NFIB: variants seen among roughly 807,000 people sequenced by gnomAD.
NFIB encodes nuclear factor 1 B-type.
NFIB carries 11 observed loss-of-function variants against 61.5 expected under a neutral mutation model. The ratio of observed to expected loss-of-function variants is 0.18; its 90% CI spans 0.11 to 0.30. The LOEUF is 0.30. NFIB is among the 10% of genes least tolerant of loss of function. NFIB has a pLI of 1.00. For synonymous variants in NFIB, 260 were observed against 216.5 expected (o/e 1.20, Z -1.76); for missense variants, 471 against 608.9 (o/e 0.77, Z 2.38).
intron 1 of NFIB, among the ~76,000 whole-genome samples, chr9:14,350,338 GA>G (rs552376496): frequency 6.6e-6 from 1 of 152,138 alleles, no homozygotes; most frequent in Non-Finnish European, 1.5e-5. Context: ...GTTTCTCTAA[GA>G]AAAAAACAGA....
At chr9:14,404,893 G>A in the NFIB span, among the ~76,000 whole-genome samples, 13 of 152,304 alleles carry the variant, frequency 8.5e-5, no homozygotes, top group African/African-American at 2.4e-4. Context: ...AGCAAAAGGG[G>A]TGTTGTCCTC....
rs955810787 is a variant in NFIB at position 14,216,518 on chromosome 9, C to G, written c.563-36738G>C. Reference sequence around the variant, plus strand: ...TCTCTCTCTCTCTCTCTCTCTCTCTCTCTCTCTCTCTCTCTCTCTCTCTCC... The same window carrying G: ...TCTCTCTCTCTCTCTCTCTCTCTCTGTCTCTCTCTCTCTCTCTCTCTCTCC... On this transcript the variant is annotated intron_variant, in intron 2 of 10. Transcript: ENST00000380953. 2.6e-3 allele frequency among the ~76,000 whole-genome samples: 91 copies of G among 35,360 alleles called. 1 individual carries two copies. The highest frequency in any genetic ancestry group is 0.013 in the Middle Eastern group (1 of 76). 23.2% of individuals were successfully genotyped at this position (35,360 alleles called of 152,430 possible). A position where few individuals can be genotyped will look rare whatever the true frequency, so the allele number is the denominator to read the frequency against.
chr9:14,261,822 A>G (rs1587997470), intron 2 of NFIB, among the ~76,000 whole-genome samples: 2 of 152,164 alleles, frequency 1.3e-5, no homozygotes, highest in East Asian at 1.9e-4. Context: ...TTTACATGCT[A>G]TGAGCTCAGT....
At chr9:14,132,777 GC>G (rs2040551528) in intron 6 of NFIB, among the ~76,000 whole-genome samples, 1 of 152,114 alleles carries the variant, frequency 6.6e-6, no homozygotes, top group African/African-American at 2.4e-5. Flanking sequence ...TATTGCCCAG[GC>G]TGGTCTGGAA....
intron 3 of NFIB, among the ~76,000 whole-genome samples, chr9:14,167,955 T>C (rs902161465): frequency 1.3e-5 from 2 of 152,138 alleles, no homozygotes; most frequent in Admixed American, 6.5e-5. Flanking sequence ...GAATCAGCAA[T>C]TATATTGGAG....
At chr9:14,472,649 G>A in the NFIB span, among the ~76,000 whole-genome samples, 1 of 152,050 alleles carries the variant, frequency 6.6e-6, no homozygotes, top group Non-Finnish European at 1.5e-5. Context: ...AAACCATCCT[G>A]GCTAACACGG....
At chr9:14,122,446 G>C (rs901070312) in intron 7 of NFIB, among the ~76,000 whole-genome samples, 1 of 152,118 alleles carries the variant, frequency 6.6e-6, no homozygotes, top group Non-Finnish European at 1.5e-5. Flanking sequence ...TTAAATAAGT[G>C]TCCATGTAAT....
the NFIB span, among the ~76,000 whole-genome samples, chr9:14,452,507 G>GAAAGC: frequency 2.9e-4 from 42 of 142,668 alleles, no homozygotes; most frequent in African/African-American, 9.9e-4. Flanking sequence ...GAAAGGAAAG[G>GAAAGC]AAAGGAGGAA....
intron 10 of NFIB, among the ~76,000 whole-genome samples, chr9:14,105,585 T>G (rs908930386): frequency 1.3e-5 from 2 of 152,132 alleles, no homozygotes; most frequent in African/African-American, 4.8e-5. Context: ...CAAAACTCCC[T>G]GATAAAGTGA....
intron 1 of NFIB, among the ~76,000 whole-genome samples, chr9:14,396,648 C>T (rs2061690305): frequency 1.3e-5 from 2 of 152,140 alleles, no homozygotes; most frequent in African/African-American, 4.8e-5. Context: ...CTTCAGCACC[C>T]AGGATACTAT....
intron 2 of NFIB, among the ~76,000 whole-genome samples, chr9:14,273,474 T>C (rs1478635791): frequency 6.6e-6 from 1 of 152,128 alleles, no homozygotes; most frequent in Non-Finnish European, 1.5e-5. Flanking sequence ...CAAATAAATC[T>C]GACTGTGGAG....
At chr9:14,358,735 G>C (rs2061205363) in intron 1 of NFIB, among the ~76,000 whole-genome samples, 1 of 152,104 alleles carries the variant, frequency 6.6e-6, no homozygotes, top group Non-Finnish European at 1.5e-5. Context: ...GGCCCCATCA[G>C]TCAGCGTATT....
intron 1 of NFIB, among the ~76,000 whole-genome samples, chr9:14,365,721 T>C (rs771807966): frequency 2.0e-5 from 3 of 152,214 alleles, no homozygotes; most frequent in Non-Finnish European, 4.4e-5. Context: ...TTATCAATTA[T>C]TTTCTTAGGA....
intron 2 of NFIB, among the ~76,000 whole-genome samples, chr9:14,294,073 A>T (rs573363435): frequency 6.6e-6 from 1 of 152,226 alleles, no homozygotes; most frequent in African/African-American, 2.4e-5. Context: ...GTTGGACACG[A>T]AAAGCAGATT....
In NFIB at chr9:14,085,100, A is replaced by G. The variant is rs2032645259; in HGVS notation, c.*3209T>C. The G allele has an allele frequency of 4.4e-6, 1 of 229,192 alleles. No individual in the cohort carries two copies. Among genetic ancestry groups the G allele is most frequent in the African/African-American group, 2.2e-5 (1 of 45,136 alleles). 14.2% of individuals were successfully genotyped at this position (229,192 alleles called of 1,614,324 possible). ...TGCTACCAGGGCGAGTATCACAGAA[A>G]TGATTGGACTTACTTTTGAACTTGC... On this transcript the variant is annotated 3_prime_UTR_variant, in exon 11 of 11. Transcript: ENST00000380953.
At chr9:14,437,302 G>A in the NFIB span, among the ~76,000 whole-genome samples, 2 of 152,150 alleles carry the variant, frequency 1.3e-5, no homozygotes, top group African/African-American at 2.4e-5. Context: ...TATCTTTTAT[G>A]TGTTTTCTGA....
In NFIB at chr9:14,083,479, TAAAAAA is replaced by T. The variant is rs33918801; in HGVS notation, c.*4824_*4829del. 1.0e-4 allele frequency: 14 copies of T among 135,518 alleles called. No homozygotes were observed. Among genetic ancestry groups the T allele is most frequent in the East Asian group, 2.2e-4 (2 of 8,996 alleles). 8.4% of individuals were successfully genotyped at this position (135,518 alleles called of 1,614,324 possible). ...TATTGAACTTGAATAGCCTGCACATTAAAAAAAAAAAAAAAAAAAAAGTTTTCTATA... is the reference window on the plus strand; with the variant it reads ...TATTGAACTTGAATAGCCTGCACATTAAAAAAAAAAAAAAAGTTTTCTATA... On this transcript the variant is annotated 3_prime_UTR_variant, in exon 11 of 11. Transcript: ENST00000380953.
At chr9:14,216,136 G>C (rs1050786532) in intron 2 of NFIB, among the ~76,000 whole-genome samples, 13 of 152,158 alleles carry the variant, frequency 8.5e-5, no homozygotes, top group Admixed American at 2.6e-4. Context: ...ACAAAAGATA[G>C]GTTGGCAATG....
At chr9:14,384,160 A>G (rs2061523120) in intron 1 of NFIB, among the ~76,000 whole-genome samples, 1 of 152,180 alleles carries the variant, frequency 6.6e-6, no homozygotes, top group African/African-American at 2.4e-5. Context: ...AGAAGTCGCA[A>G]TCCTGATGAC....
Sources: allele counts gnomAD v4.1 joint callset (sites outside exome capture counted in the v4.1 genomes callset), GRCh38; gene constraint gnomAD v4.1.1; transcripts MANE v1.5; gene names NCBI Gene and HGNC (gene_info 2026-07-23, HGNC 2026-07-21).